The following HEMK2 variants were observed in gnomAD, a reference collection of about 807,000 sequenced individuals.
The protein encoded by HEMK2 is methyltransferase HEMK2.
chr21:28,683,601 C>T, the HEMK2 span, among the ~76,000 whole-genome samples: 6 of 152,136 alleles, frequency 3.9e-5, no homozygotes, highest in African/African-American at 7.2e-5. Context: ...ACCTAGTCAA[C>T]ATTGTGATGA....
chr21:28,669,488 T>C, the HEMK2 span, among the ~76,000 whole-genome samples: 10 of 152,094 alleles, frequency 6.6e-5, no homozygotes, highest in African/African-American at 2.2e-4. Context: ...TGGTTAGACT[T>C]AACCATGTGA....
chr21:28,597,729 G>C, the HEMK2 span, among the ~76,000 whole-genome samples: 3 of 152,130 alleles, frequency 2.0e-5, no homozygotes, highest in African/African-American at 7.2e-5. Flanking sequence ...GACCTGATAA[G>C]GATTTTAGGC....
the HEMK2 span, among the ~76,000 whole-genome samples, chr21:28,696,130 A>C: frequency 2.0e-5 from 3 of 152,190 alleles, no homozygotes; most frequent in African/African-American, 7.2e-5. Flanking sequence ...AAACCATCAG[A>C]TCTTATAAGA....
the HEMK2 span, among the ~76,000 whole-genome samples, chr21:28,599,197 C>T: frequency 6.6e-6 from 1 of 152,162 alleles, no homozygotes; most frequent in African/African-American, 2.4e-5. Flanking sequence ...TGAATATCAA[C>T]GTTCTTGATG....
chr21:28,861,872 C>T, the HEMK2 span, among the ~76,000 whole-genome samples: 1 of 152,184 alleles, frequency 6.6e-6, no homozygotes, highest in Non-Finnish European at 1.5e-5. Context: ...TAGTAATCAG[C>T]TACCAAATTT....
the HEMK2 span, among the ~76,000 whole-genome samples, chr21:28,645,960 T>A: frequency 6.6e-6 from 1 of 152,218 alleles, no homozygotes; most frequent in Non-Finnish European, 1.5e-5. Flanking sequence ...TATATACCTA[T>A]AAATTCACAT....
chr21:28,606,416 C>T, the HEMK2 span, among the ~76,000 whole-genome samples: 1 of 152,168 alleles, frequency 6.6e-6, no homozygotes, highest in East Asian at 1.9e-4. Flanking sequence ...GACTCTGTTG[C>T]CCTGCAACAG....
At chr21:28,883,202 A>G in the HEMK2 span, 2 of 504,920 alleles carry the variant, frequency 4.0e-6, no homozygotes. Flanking sequence ...ATATGAAAAT[A>G]GAAATTTATA....
At chr21:28,811,395 AAC>A in the HEMK2 span, among the ~76,000 whole-genome samples, 1 of 107,222 alleles carries the variant, frequency 9.3e-6, no homozygotes, top group African/African-American at 4.8e-5. Context: ...AGGAAGGAGA[AAC>A]AGAGAAGGAA....
chr21:28,632,378 T>C, the HEMK2 span, among the ~76,000 whole-genome samples: 14 of 152,240 alleles, frequency 9.2e-5, no homozygotes, highest in Non-Finnish European at 1.5e-4. Context: ...ATCTCTACTA[T>C]GTCACATGTT....
chr21:28,851,925 A>G, the HEMK2 span, among the ~76,000 whole-genome samples: 39,462 of 152,070 alleles, frequency 0.26, 5,883 homozygotes, highest in African/African-American at 0.4. Flanking sequence ...AGTACCTGGT[A>G]CATACCAGGT....
the HEMK2 span, among the ~76,000 whole-genome samples, chr21:28,746,505 A>T: frequency 6.6e-6 from 1 of 152,206 alleles, no homozygotes; most frequent in Admixed American, 6.5e-5. Flanking sequence ...TAGGGAGATG[A>T]GCAACGGAAA....
chr21:28,685,039 G>A, the HEMK2 span, among the ~76,000 whole-genome samples: 1 of 152,138 alleles, frequency 6.6e-6, no homozygotes, highest in Non-Finnish European at 1.5e-5. Flanking sequence ...TGTTTTAAAG[G>A]GAGAATGAGA....
chr21:28,646,971 T>C, the HEMK2 span, among the ~76,000 whole-genome samples: 1 of 152,204 alleles, frequency 6.6e-6, no homozygotes, highest in South Asian at 2.1e-4. Context: ...AGGCTCCTGT[T>C]CTTAATAAGG....
chr21:28,841,288 AT>A, the HEMK2 span, among the ~76,000 whole-genome samples: 1 of 6,184 alleles, frequency 1.6e-4, no homozygotes, highest in African/African-American at 1.6e-3. Flanking sequence ...TATATATAAT[AT>A]ATATTATATA....
chr21:28,879,251 A>AT, the HEMK2 span, among the ~76,000 whole-genome samples: 2 of 150,792 alleles, frequency 1.3e-5, no homozygotes, highest in Non-Finnish European at 3.0e-5. Flanking sequence ...TGCCTGGCTA[A>AT]TTTTTTTTTG....
At chr21:28,882,962 C>G in the HEMK2 span, 1 of 1,462,472 alleles carries the variant, frequency 6.8e-7, no homozygotes, top group Admixed American at 1.9e-5. Context: ...AGTGGAAGAT[C>G]TAGATGAATA....
the HEMK2 span, among the ~76,000 whole-genome samples, chr21:28,854,645 T>C: frequency 3.3e-5 from 5 of 152,152 alleles, no homozygotes; most frequent in Non-Finnish European, 5.9e-5. Context: ...ACTGAAGAAC[T>C]TGGAGTCCAA....
the HEMK2 span, among the ~76,000 whole-genome samples, chr21:28,762,109 C>T: frequency 6.6e-6 from 1 of 152,060 alleles, no homozygotes; most frequent in South Asian, 2.1e-4. Context: ...AGACGTTGCC[C>T]TCAGATTGCT....
Sources: allele counts gnomAD v4.1 joint callset (sites outside exome capture counted in the v4.1 genomes callset), GRCh38; gene constraint gnomAD v4.1.1; transcripts MANE v1.5; gene names NCBI Gene and HGNC (gene_info 2026-07-23, HGNC 2026-07-21).